The following CIITA variants were observed in gnomAD, a reference collection of about 807,000 sequenced individuals.
The protein encoded by CIITA is MHC class II transactivator.
A neutral mutation model predicts 115.1 loss-of-function variants in CIITA; 72 were observed. The observed-to-expected ratio is 0.63, with a 90% confidence interval of 0.52 to 0.76. CIITA has a LOEUF of 0.76. Ranked by LOEUF, CIITA falls within the 30% of genes least tolerant of loss-of-function variation. CIITA has a pLI of 0.00. For synonymous variants in CIITA, 763 were observed against 635.6 expected, an observed-to-expected ratio of 1.20 and a Z score of -3.02; for missense variants, 1,617 against 1,463.8, an observed-to-expected ratio of 1.10 and a Z score of -1.71.
At chr16:10,871,727 C>T (rs1454591676) in intron 1 of CIITA, among the ~76,000 whole-genome samples, 1 of 152,188 alleles carries the variant, frequency 6.6e-6, no homozygotes, top group Non-Finnish European at 1.5e-5. Context: ...TGAGAACCAG[C>T]CCCTGTTCTG....
chr16:10,866,952 T>C (rs2035112693), intron 1 of CIITA, among the ~76,000 whole-genome samples: 1 of 152,034 alleles, frequency 6.6e-6, no homozygotes, highest in Admixed American at 6.5e-5. Flanking sequence ...TGAGTCAAAA[T>C]GAGAGAAATG....
intron 11 of CIITA, 157 bp downstream of exon 11, chr16:10,908,306 C>T (rs1387326533): frequency 1.1e-6 from 1 of 930,856 alleles, no homozygotes; most frequent in Admixed American, 2.0e-5. Flanking sequence ...GATGTTGAGG[C>T]TCAGAGAGGG....
At chr16:10,911,565 TCTTTC>T (rs2039586205) in intron 13 of CIITA, among the ~76,000 whole-genome samples, 1 of 149,322 alleles carries the variant, frequency 6.7e-6, no homozygotes, top group African/African-American at 2.5e-5. Flanking sequence ...CCTTTTCTTT[TCTTTC>T]TTGAGGCAGA....
rs1282492560 is a variant in CIITA at position 10,942,548 on chromosome 16, C to A, written n.1674C>A. 5 of 152,342 alleles carry A rather than the reference C, an allele frequency of 3.3e-5. No individual in the cohort carries two copies. Among genetic ancestry groups the A allele is most frequent in the African/African-American group, 1.2e-4 (5 of 41,476 alleles). 9.4% of individuals were successfully genotyped at this position (152,342 alleles called of 1,614,324 possible). A position where few individuals can be genotyped will look rare whatever the true frequency, so the allele number is the denominator to read the frequency against. On this transcript the variant is annotated non_coding_transcript_exon_variant, in exon 2 of 2. Coordinates refer to the CIITA transcript ENST00000573379. This position sits in a 1 kb window ranked among gnomAD's most constrained non-coding sequence, Gnocchi z 5.0. The stretch of plus-strand genomic sequence containing the variant: ...CGCTAATTGGCCGGCTCAACGCCCG[C>A]GCTGATTGGCTCCGGCCGCCAGGGG...
chr16:10,878,809 G>C (rs1240133771), intron 1 of CIITA, among the ~76,000 whole-genome samples: 2 of 152,242 alleles, frequency 1.3e-5, no homozygotes, highest in African/African-American at 4.8e-5. Flanking sequence ...GGATGCCCCA[G>C]GCAGTTGGGA....
chr16:10,920,443 C>T lies in CIITA; in HGVS notation c.3150-1724C>T, dbSNP rs991096117. On this transcript the variant is annotated intron_variant, in intron 16 of 19. Coordinates refer to ENST00000324288, the MANE Select transcript of CIITA (RefSeq NM_000246.4). The surrounding 1 kb of genome is among the most constrained non-coding windows in gnomAD (Gnocchi z 4.5). The stretch of plus-strand genomic sequence containing the variant: ...TGTGTTTTCAGTAGAGACAGGGCTT[C>T]GCCATGTGGCCCAGACTGGTCTTGA... 2.0e-5 allele frequency among the ~76,000 whole-genome samples: 3 copies of T among 152,154 alleles called. No homozygotes were observed. Among genetic ancestry groups the T allele is most frequent in the Admixed American group, 6.5e-5 (1 of 15,278 alleles).
intron 15 of CIITA, 137 bp from the exon 16 acceptor site, chr16:10,918,303 T>C (rs1192692536): frequency 2.4e-6 from 2 of 839,170 alleles, no homozygotes; most frequent in Admixed American, 3.4e-5. Context: ...GACCTAACAG[T>C]ATCCTCCTAT....
At position 10,904,771 on chromosome 16, in the gene CIITA, C is replaced by G. The variant is rs74806537; in HGVS notation, c.965C>G (p.Pro322Arg). 9.9e-6 allele frequency: 16 copies of G among 1,613,980 alleles called. No homozygotes were observed. The highest frequency in any genetic ancestry group is 1.3e-5 in the African/African-American group (1 of 74,914). The part of the protein sequence containing the change: ...TEHKTSPTQC[P>R]AAGEVSNKLP... ...CACAAGACGTCCCCCACCCAATGCC[C>G]GGCAGCTGGAGAGGTCTCCAACAAG... The change falls in exon 10 of 20, where the codon CCG becomes CGG. Residue 322 changes from proline to arginine, a missense_variant. Physicochemically the swap from Pro to Arg is moderately radical, Grantham distance 103. Transcript: ENST00000324288.
rs1316430300 is a variant in CIITA at position 10,931,855 on chromosome 16, C to T, written c.*8000C>T. 3 of 152,364 alleles carry T rather than the reference C, an allele frequency of 2.0e-5. No individual in the cohort carries two copies. The highest frequency in any genetic ancestry group is 7.2e-5 in the African/African-American group (3 of 41,578). 9.4% of individuals were successfully genotyped at this position (152,364 alleles called of 1,614,324 possible). On this transcript the variant is annotated 3_prime_UTR_variant, in exon 20 of 20. Transcript: ENST00000324288. ...GCAGTGAGCCGAGATCACGCCACTG[C>T]ACTATAGCCTAGGTGACAGAGTGAG...
At chr16:10,876,911 C>G (rs1051414205), upstream of CIITA, among the ~76,000 whole-genome samples, 2 of 152,198 alleles carry the variant, frequency 1.3e-5, no homozygotes, top group African/African-American at 4.8e-5. Flanking sequence ...CAGCTGGCAC[C>G]AGTGCGGTTC....
chr16:10,882,068 G>C (rs1250827787), intron 1 of CIITA, among the ~76,000 whole-genome samples: 2 of 152,110 alleles, frequency 1.3e-5, no homozygotes, highest in Non-Finnish European at 2.9e-5. Context: ...TTCATTTGTT[G>C]ATAGACACTT....
intron 5 of CIITA, among the ~76,000 whole-genome samples, chr16:10,899,795 G>A (rs1054724495): frequency 6.6e-6 from 1 of 152,188 alleles, no homozygotes; most frequent in Non-Finnish European, 1.5e-5. Flanking sequence ...AATATTCAGT[G>A]AAGGCTGGGC....
Position 10,941,953 on chromosome 16 carries a change from G to A in CIITA, n.1079G>A. On this transcript the variant is annotated non_coding_transcript_exon_variant, in exon 2 of 2. Transcript: ENST00000573379. The surrounding 1 kb of genome is among the most constrained non-coding windows in gnomAD (Gnocchi z 6.4). ...GGGCAGCAGCGGCGGCGGCACGTAG[G>A]GGACCAGGGGGCCCAGTGCGTCCAG... The A allele has an allele frequency of 6.4e-7, 1 of 1,570,448 alleles. No individual in the cohort carries two copies. Among genetic ancestry groups the A allele is most frequent in the Non-Finnish European group, 8.6e-7 (1 of 1,158,856 alleles).
Position 10,898,689 on chromosome 16 carries a change from C to T in CIITA, c.315C>T (p.Val105=). Reference sequence around the variant, plus strand: ...GGGCAGCGGAACTGGACCAGTATGTCTTCCAGGACTCCCAGCTGGAGGGCC... The same window carrying T: ...GGGCAGCGGAACTGGACCAGTATGTTTTCCAGGACTCCCAGCTGGAGGGCC... ...YANIAELDQY[V]FQDSQLEGLS... The change falls in exon 4 of 20, where the codon GTC becomes GTT. Residue 105 remains valine, a synonymous_variant. Coordinates refer to ENST00000324288, the MANE Select transcript of CIITA (RefSeq NM_000246.4). 4 of 1,611,438 alleles carry T rather than the reference C, an allele frequency of 2.5e-6. No individual in the cohort carries two copies. The highest frequency in any genetic ancestry group is 2.5e-6 in the Non-Finnish European group (3 of 1,178,990).
chr16:10,926,115 G>C lies in CIITA; in HGVS notation c.*2260G>C, dbSNP rs1365995018. 6.6e-6 allele frequency: 1 copy of C among 152,280 alleles called. No homozygotes were observed. The highest frequency in any genetic ancestry group is 1.5e-5 in the Non-Finnish European group (1 of 68,084). The allele number at this position is 152,280 out of a possible 1,614,324, so 9.4% of individuals were successfully genotyped here. A position where few individuals can be genotyped will look rare whatever the true frequency, so the allele number is the denominator to read the frequency against. ...GTTCAGCTCCAGCTCACCAGCCCCA[G>C]TGCCCACAGGATCAGTCTGATTCCC... On this transcript the variant is annotated 3_prime_UTR_variant, in exon 20 of 20. Coordinates refer to ENST00000324288, the MANE Select transcript of CIITA (RefSeq NM_000246.4).
rs1348402779 is a variant in CIITA at position 10,907,652 on chromosome 16, G to T, written c.2160G>T (p.Leu720=). Residue 720 remains leucine, a synonymous_variant, in exon 11 of 20, where the codon CTG becomes CTT. Coordinates refer to ENST00000324288, the MANE Select transcript of CIITA (RefSeq NM_000246.4). The surrounding 1 kb of genome is among the most constrained non-coding windows in gnomAD (Gnocchi z 5.0). ...SFLLQCFLGA[L]WLALSGEIKD... ...TCCTGCAATGCTTCCTGGGGGCCCT[G>T]TGGCTGGCTCTGAGTGGCGAAATCA... 3 of 1,614,114 alleles carry T rather than the reference G, an allele frequency of 1.9e-6. No individual in the cohort carries two copies. Among genetic ancestry groups the T allele is most frequent in the Middle Eastern group, 1.6e-4 (1 of 6,084 alleles).
At chr16:10,884,932 C>T (rs1023227415) in intron 1 of CIITA, among the ~76,000 whole-genome samples, 1 of 152,160 alleles carries the variant, frequency 6.6e-6, no homozygotes, top group Non-Finnish European at 1.5e-5. Flanking sequence ...TGAATCCTGC[C>T]TCTCCCTGCC....
In CIITA at chr16:10,909,058, G is replaced by T. The variant is rs1397406583; in HGVS notation, c.2687G>T (p.Trp896Leu). 1.9e-6 allele frequency: 3 copies of T among 1,614,142 alleles called. No homozygotes were observed. Among genetic ancestry groups the T allele is most frequent in the East Asian group, 4.5e-5 (2 of 44,890 alleles). Residue 896 changes from tryptophan to leucine, a missense_variant, in exon 12 of 20, where the codon TGG becomes TTG. By Grantham distance (61) the Trp-to-Leu change is moderately conservative. Transcript: ENST00000324288. ...RAALSDTVAL[W>L]ESLQQHGETK... ...GCCTTGAGCGACACGGTGGCGCTGTGGGAGTCCCTGCAGCAGCATGGGGAG... is the reference window on the plus strand; with the variant it reads ...GCCTTGAGCGACACGGTGGCGCTGTTGGAGTCCCTGCAGCAGCATGGGGAG...
chr16:10,869,623 T>G (rs2035338849), intron 1 of CIITA, among the ~76,000 whole-genome samples: 1 of 151,994 alleles, frequency 6.6e-6, no homozygotes, highest in Non-Finnish European at 1.5e-5. Flanking sequence ...GTTCATGCAG[T>G]TCTCATGCCT....
Sources: gnomAD v4.1 joint callset for allele counts (sites outside exome capture counted in the v4.1 genomes callset) on GRCh38, gnomAD v4.1.1 for gene constraint, Gnocchi (gnomAD v3.1) non-coding constraint, MANE v1.5 for transcripts, NCBI Gene and HGNC (gene_info 2026-07-23, HGNC 2026-07-21) for gene names.